Variants in HERPUD2 observed in about 807,000 individuals in gnomAD.
HERPUD2 encodes homocysteine-responsive endoplasmic reticulum-resident ubiquitin-like domain member 2 protein.
In HERPUD2, 13 loss-of-function variants were observed where a neutral mutation model predicts 49.9. The ratio of observed to expected loss-of-function variants is 0.26; its 90% confidence interval spans 0.17 to 0.41. The LOEUF is 0.41. Among genes scored for constraint, HERPUD2 ranks in the 10% least tolerant of loss-of-function variants. HERPUD2 has a pLI of 1.00. For synonymous variants in HERPUD2, 172 were observed against 171.4 expected (o/e 1.00, Z -0.03); for missense variants, 449 against 492.2 (o/e 0.91, Z 0.83).
intron 5 of HERPUD2, among the ~76,000 whole-genome samples, chr7:35,653,324 A>G (rs1180175750): frequency 6.6e-6 from 1 of 152,206 alleles, no homozygotes; most frequent in African/African-American, 2.4e-5. Context: ...CAGTAACAAC[A>G]AAGAAGGTCA....
At position 35,692,685 on chromosome 7, in the gene HERPUD2, T is replaced by C. The variant is rs1348303431; in HGVS notation, c.147+1499A>G. Among the ~76,000 whole-genome samples, 3 of 152,252 alleles carry C rather than the reference T, an allele frequency of 2.0e-5. No individual in the cohort carries two copies. The East Asian group carries it at 5.8e-4, about 29-fold the overall frequency. On this transcript the variant is annotated intron_variant, in intron 2 of 8. Coordinates refer to ENST00000311350, the MANE Select transcript of HERPUD2 (RefSeq NM_022373.5). ...TAAAAATATTTGTATCACAAAGTAC[T>C]GATAAACACAGCTAATGCCGATTAA...
chr7:35,650,384 A>T (rs1275147754), intron 5 of HERPUD2, among the ~76,000 whole-genome samples: 1 of 152,130 alleles, frequency 6.6e-6, no homozygotes, highest in Non-Finnish European at 1.5e-5. Context: ...TAGCCACAAG[A>T]GAGACCCTTA....
At chr7:35,650,162 G>C (rs1234036914) in intron 5 of HERPUD2, among the ~76,000 whole-genome samples, 4 of 152,148 alleles carry the variant, frequency 2.6e-5, no homozygotes, top group African/African-American at 7.2e-5. Context: ...AAAATACTAA[G>C]TAGATGATCA....
intron 2 of HERPUD2, among the ~76,000 whole-genome samples, chr7:35,673,938 G>A (rs553000661): frequency 1.3e-5 from 2 of 152,024 alleles, no homozygotes; most frequent in Admixed American, 6.6e-5. Flanking sequence ...ATCTCTATAC[G>A]CAACCAGAAT....
intron 5 of HERPUD2, among the ~76,000 whole-genome samples, chr7:35,646,711 A>G (rs1785060411): frequency 6.6e-6 from 1 of 152,250 alleles, no homozygotes; most frequent in Non-Finnish European, 1.5e-5. Context: ...CTGTCCCCAT[A>G]GAAAATGTCA....
At chr7:35,651,783 A>T (rs1286364391) in intron 5 of HERPUD2, among the ~76,000 whole-genome samples, 1 of 151,846 alleles carries the variant, frequency 6.6e-6, no homozygotes, top group East Asian at 1.9e-4. Flanking sequence ...AATGATATTA[A>T]AGAAGCAAGA....
chr7:35,677,506 T>C (rs1785790732), intron 2 of HERPUD2, among the ~76,000 whole-genome samples: 1 of 152,140 alleles, frequency 6.6e-6, no homozygotes, highest in Non-Finnish European at 1.5e-5. Flanking sequence ...ATCTTGATGG[T>C]GTAGCAGGGT....
chr7:35,682,357 GTATATATATATA>G lies in HERPUD2; in HGVS notation c.148-9091_148-9080del, dbSNP rs3052526. On this transcript the variant is annotated intron_variant, in intron 2 of 8. Coordinates refer to ENST00000311350, the MANE Select transcript of HERPUD2 (RefSeq NM_022373.5). ...TGTGTGTGTGTGTGTGTGTGTGTGTGTATATATATATATATATATATATATATATACTTAATC... is the reference window on the plus strand; with the variant it reads ...TGTGTGTGTGTGTGTGTGTGTGTGTGTATATATATATATATATACTTAATC... Among the ~76,000 whole-genome samples the G allele has an allele frequency of 2.7e-4, 7 of 25,826 alleles. 1 individual carries two copies. Among genetic ancestry groups the G allele is most frequent in the African/African-American group, 5.7e-4 (4 of 6,964 alleles). 16.9% of individuals were successfully genotyped at this position (25,826 alleles called of 152,430 possible).
intron 6 of HERPUD2, among the ~76,000 whole-genome samples, chr7:35,637,018 C>T (rs1784880340): frequency 6.6e-6 from 1 of 151,940 alleles, no homozygotes; most frequent in Non-Finnish European, 1.5e-5. Context: ...TCTGTAATCT[C>T]GGCTACTGCG....
intron 2 of HERPUD2, 54 bp from the exon 3 acceptor site, chr7:35,673,332 G>T (rs1422150067): frequency 7.9e-6 from 11 of 1,385,314 alleles, no homozygotes; most frequent in Non-Finnish European, 1.1e-5. Context: ...GCAAATTGAA[G>T]GTTGGGAATA....
intron 5 of HERPUD2, among the ~76,000 whole-genome samples, chr7:35,661,947 T>C (rs1785433438): frequency 6.6e-6 from 1 of 152,196 alleles, no homozygotes; most frequent in Non-Finnish European, 1.5e-5. Flanking sequence ...ATCCCTGTCT[T>C]GTGCCAGTTT....
In HERPUD2 at chr7:35,695,080, C is replaced by G. The variant is rs1037802427; in HGVS notation, c.-577G>C. On this transcript the variant is annotated 5_prime_UTR_variant, in exon 1 of 9. Transcript: ENST00000311350. ...GGGCGGCCCAGGCGACTACAGGTAG[C>G]AGGAGGGCGGGGACGAGAGCCGTTG... The G allele has an allele frequency of 6.6e-6, 1 of 152,558 alleles. No homozygotes were observed. The allele number at this position is 152,558 out of a possible 1,614,324, so 9.5% of individuals were successfully genotyped here. A position where few individuals can be genotyped will look rare whatever the true frequency, so the allele number is the denominator to read the frequency against.
In HERPUD2 at chr7:35,633,722, T is replaced by G. The variant is rs1051648003; in HGVS notation, c.1189A>C (p.Ile397Leu). The change falls in exon 9 of 9, where the codon ATA becomes CTA. Residue 397 changes from isoleucine (I) to leucine (L), a missense_variant. By Grantham distance (5) the Ile-to-Leu change is conservative. Coordinates refer to ENST00000311350, the MANE Select transcript of HERPUD2 (RefSeq NM_022373.5). ...SFITTFFTSL[I>L]PEGPPQVAN is the part of the protein sequence containing the mutation. ...GCAACCTGGGGAGGCCCCTCTGGTA[T>G]TAGTGAAGTAAAGAAGGTGGTGATG... The G allele has an allele frequency of 1.2e-6, 2 of 1,613,896 alleles. No individual in the cohort carries two copies. Among genetic ancestry groups the G allele is most frequent in the Non-Finnish European group, 1.7e-6 (2 of 1,179,958 alleles).
intron 2 of HERPUD2, among the ~76,000 whole-genome samples, chr7:35,675,804 C>T (rs570293648): frequency 6.6e-5 from 10 of 152,068 alleles, no homozygotes; most frequent in Non-Finnish European, 1.5e-4. Context: ...CTCTGTTTTC[C>T]AGGCTGAAGT....
At chr7:35,655,898 C>T (rs1270158510) in intron 5 of HERPUD2, among the ~76,000 whole-genome samples, 4 of 152,170 alleles carry the variant, frequency 2.6e-5, no homozygotes, top group East Asian at 1.9e-4. Context: ...TGGTGGCTCA[C>T]GCCTGTAATC....
At chr7:35,650,831 G>A (rs571337813) in intron 5 of HERPUD2, among the ~76,000 whole-genome samples, 10 of 152,246 alleles carry the variant, frequency 6.6e-5, no homozygotes, top group African/African-American at 1.9e-4. Flanking sequence ...GCACTGTACT[G>A]GAAGTCTGGG....
In HERPUD2 at chr7:35,639,325, C is replaced by T. The variant is rs113244808; in HGVS notation, c.495-853G>A. Among the ~76,000 whole-genome samples the T allele has an allele frequency of 5.3e-3, 801 of 152,148 alleles. 12 individuals are homozygous for T. Among genetic ancestry groups the T allele is most frequent in the African/African-American group, 0.018 (763 of 41,504 alleles). ...GCAGGATTACAGACATGAGCCACTG[C>T]GCCTGGCCAAATTCTATTAATTCAG... On this transcript the variant is annotated intron_variant, in intron 5 of 8. Transcript: ENST00000311350.
intron 5 of HERPUD2, among the ~76,000 whole-genome samples, chr7:35,665,093 T>C (rs2392377): frequency 1 from 152,300 of 152,312 alleles, 76,144 homozygotes; most frequent in Middle Eastern, 1. Context: ...GCAGTCTGTC[T>C]GTTCTCAGAT....
At chr7:35,643,182 T>C (rs1400617780) in intron 5 of HERPUD2, among the ~76,000 whole-genome samples, 2 of 152,210 alleles carry the variant, frequency 1.3e-5, no homozygotes, top group African/African-American at 4.8e-5. Flanking sequence ...GATGTTATCA[T>C]AGCACTTATC....
Sources: gnomAD v4.1 joint callset for allele counts (sites outside exome capture counted in the v4.1 genomes callset) on GRCh38, gnomAD v4.1.1 for gene constraint, MANE v1.5 for transcripts, NCBI Gene and HGNC (gene_info 2026-07-23, HGNC 2026-07-21) for gene names.